Variants in SIRPD observed in about 807,000 individuals in gnomAD.
SIRPD encodes signal-regulatory protein delta.
Under a neutral mutation model 18.0 loss-of-function variants are expected in SIRPD, and 21 were observed. The ratio of observed to expected loss-of-function variants is 1.17; its 90% CI spans 0.83 to 1.68. The LOEUF (loss-of-function observed/expected upper bound fraction) is 1.68. SIRPD is among the 40% of genes most tolerant of loss of function. SIRPD has a pLI of 0.00. For synonymous variants in SIRPD, 106 were observed against 92.9 expected (o/e 1.14, Z -0.81); for missense variants, 295 against 238.4 (o/e 1.24, Z -1.56).
intron 1 of SIRPD, among the ~76,000 whole-genome samples, chr20:1,554,857 A>G (rs2091033366): frequency 6.6e-6 from 1 of 152,166 alleles, no homozygotes; most frequent in Non-Finnish European, 1.5e-5. Flanking sequence ...GGAGTGTAGG[A>G]TTATCTTAGA....
chr20:1,547,780 G>A (rs1039821111), intron 2 of SIRPD, among the ~76,000 whole-genome samples: 5 of 152,130 alleles, frequency 3.3e-5, no homozygotes, highest in African/African-American at 1.2e-4. Flanking sequence ...CCATGAAAAT[G>A]GGAAAATTTT....
At chr20:1,555,043 A>T (rs2091034205) in intron 1 of SIRPD, among the ~76,000 whole-genome samples, 1 of 152,212 alleles carries the variant, frequency 6.6e-6, no homozygotes, top group African/African-American at 2.4e-5. Flanking sequence ...TATTCACAAT[A>T]GCCAAAATAT....
At chr20:1,545,691 G>A (rs529435356) in intron 2 of SIRPD, among the ~76,000 whole-genome samples, 4 of 152,318 alleles carry the variant, frequency 2.6e-5, no homozygotes, top group African/African-American at 9.6e-5. Flanking sequence ...TGGAGGAGAA[G>A]AGACATTCTG....
Position 1,534,374 on chromosome 20 carries a change from A to C in SIRPD, c.*51T>G. Reference sequence around the variant, plus strand: ...AAAGTAGCTGTCTCCAGGGAGTCAGAAGAGTATGGGGGCTTTTGTTATTTA... The same window carrying C: ...AAAGTAGCTGTCTCCAGGGAGTCAGCAGAGTATGGGGGCTTTTGTTATTTA... On this transcript the variant is annotated 3_prime_UTR_variant, in exon 4 of 4. Coordinates refer to ENST00000381623, the MANE Select transcript of SIRPD (RefSeq NM_178460.3). 1 of 1,609,732 alleles carries C rather than the reference A, an allele frequency of 6.2e-7. No individual in the cohort carries two copies. Among genetic ancestry groups the C allele is most frequent in the Non-Finnish European group, 8.5e-7 (1 of 1,178,940 alleles).
intron 2 of SIRPD, among the ~76,000 whole-genome samples, chr20:1,541,649 C>A (rs1211430334): frequency 6.6e-6 from 1 of 152,106 alleles, no homozygotes; most frequent in Non-Finnish European, 1.5e-5. Flanking sequence ...TTACTTAGAT[C>A]CCATTTGTCA....
At chr20:1,544,115 G>A (rs1355788324) in intron 2 of SIRPD, among the ~76,000 whole-genome samples, 5 of 152,296 alleles carry the variant, frequency 3.3e-5, no homozygotes, top group Non-Finnish European at 7.4e-5. Flanking sequence ...TTCTGTAGAT[G>A]TCTATTAGGT....
At chr20:1,535,268 G>A (rs1568664682) in intron 3 of SIRPD, among the ~76,000 whole-genome samples, 2 of 152,166 alleles carry the variant, frequency 1.3e-5, no homozygotes, top group Non-Finnish European at 2.9e-5. Flanking sequence ...GCACAGTGAA[G>A]AGGTCAAAGT....
Position 1,551,746 on chromosome 20 carries a change from T to A in SIRPD, c.366A>T (p.Lys122Asn). 1 of 1,614,106 alleles carries A rather than the reference T, an allele frequency of 6.2e-7. No individual in the cohort carries two copies. Among genetic ancestry groups the A allele is most frequent in the Non-Finnish European group, 8.5e-7 (1 of 1,179,962 alleles). Reference sequence around the variant, plus strand: ...ATTGGTACTCCTTGATAGCTCTTCCTTTTATGAACTTCACGCAGTAATAGG... The same window carrying A: ...ATTGGTACTCCTTGATAGCTCTTCCATTTATGAACTTCACGCAGTAATAGG... ...AGTYYCVKFIKGRAIKEYQSG... is the reference protein window; with the variant it reads ...AGTYYCVKFINGRAIKEYQSG... The change falls in exon 2 of 4, where the codon AAA becomes AAT. Residue 122 changes from lysine to asparagine, a missense_variant. Lys to Asn is a moderately conservative substitution (Grantham distance 94, BLOSUM62 0). Coordinates refer to ENST00000381623, the MANE Select transcript of SIRPD (RefSeq NM_178460.3).
intron 1 of SIRPD, among the ~76,000 whole-genome samples, chr20:1,555,715 G>T (rs2091037553): frequency 6.6e-6 from 1 of 152,132 alleles, no homozygotes; most frequent in Non-Finnish European, 1.5e-5. Context: ...ATTTTGAATG[G>T]TTTTGCCATC....
rs570140595 is a variant in SIRPD at position 1,545,373 on chromosome 20, A to G, written c.421+6318T>C. Among the ~76,000 whole-genome samples the G allele has an allele frequency of 4.4e-4, 67 of 152,132 alleles. 1 individual carries two copies. Among genetic ancestry groups the G allele is most frequent in the African/African-American group, 1.5e-3 (64 of 41,498 alleles). On this transcript the variant is annotated intron_variant, in intron 2 of 3. Transcript: ENST00000381623. ...CTTTATTTCATTAAGTTGATCTTCA[A>G]TCTCTGAAATCCTTTCTTCTGGTTG...
At chr20:1,552,406 C>T (rs1158093432) in intron 1 of SIRPD, among the ~76,000 whole-genome samples, 2 of 152,142 alleles carry the variant, frequency 1.3e-5, no homozygotes, top group Admixed American at 6.5e-5. Context: ...CAAGTCCTGT[C>T]CTTCAACCCT....
chr20:1,552,091 G>A (rs752513792), intron 1 of SIRPD, 53 bp from the exon 2 acceptor site: 3 of 1,475,472 alleles, frequency 2.0e-6, no homozygotes, highest in South Asian at 1.2e-5. Flanking sequence ...GCTTAAGCAT[G>A]GGTACGGGTC....
chr20:1,551,646 T>G, intron 2 of SIRPD, 45 bp downstream of exon 2: 40 of 1,421,686 alleles, frequency 2.8e-5, no homozygotes, highest in Non-Finnish European at 3.4e-5. Context: ...ACTGCTGAGA[T>G]GATATTATAC....
intron 1 of SIRPD, among the ~76,000 whole-genome samples, chr20:1,554,936 C>T (rs769713483): frequency 6.6e-6 from 1 of 152,174 alleles, no homozygotes; most frequent in African/African-American, 2.4e-5. Flanking sequence ...TACTTAATTG[C>T]TCTTGTGTAT....
At position 1,545,836 on chromosome 20, in the gene SIRPD, G is replaced by A. The variant is rs150167926; in HGVS notation, c.421+5855C>T. On this transcript the variant is annotated intron_variant, in intron 2 of 3. Coordinates refer to ENST00000381623, the MANE Select transcript of SIRPD (RefSeq NM_178460.3). Reference sequence around the variant, plus strand: ...CCTTTTTGTTGATGTTGATCCTGTTGCTTTCTGTTTGTTAGTTTTCCTTTT... The same window carrying A: ...CCTTTTTGTTGATGTTGATCCTGTTACTTTCTGTTTGTTAGTTTTCCTTTT... Among the ~76,000 whole-genome samples, 346 of 152,190 alleles carry A rather than the reference G, an allele frequency of 2.3e-3. 1 individual carries two copies. Among genetic ancestry groups the A allele is most frequent in the Non-Finnish European group, 3.8e-3 (256 of 67,988 alleles).
intron 2 of SIRPD, 101 bp downstream of exon 2, chr20:1,551,590 C>T (rs2091019185): frequency 7.8e-6 from 7 of 894,100 alleles, no homozygotes; most frequent in Non-Finnish European, 1.0e-5. Flanking sequence ...GTTGTACCTT[C>T]AATAATATTT....
At chr20:1,549,370 C>CTT (rs11475966) in intron 2 of SIRPD, among the ~76,000 whole-genome samples, 1 of 147,268 alleles carries the variant, frequency 6.8e-6, no homozygotes, top group African/African-American at 2.5e-5. Flanking sequence ...TTTCTGATAC[C>CTT]TTTTTTTTTT....
intron 1 of SIRPD, among the ~76,000 whole-genome samples, chr20:1,556,863 G>C (rs1203897030): frequency 6.6e-6 from 1 of 152,220 alleles, no homozygotes; most frequent in Non-Finnish European, 1.5e-5. Context: ...ATTAATTTCT[G>C]TAATTTAAAC....
intron 2 of SIRPD, among the ~76,000 whole-genome samples, chr20:1,547,898 G>T (rs1459912354): frequency 6.6e-6 from 1 of 152,116 alleles, no homozygotes; most frequent in African/African-American, 2.4e-5. Context: ...CATTCCAAGT[G>T]TGTGGAAATG....
Sources: allele counts gnomAD v4.1 joint callset (sites outside exome capture counted in the v4.1 genomes callset), GRCh38; gene constraint gnomAD v4.1.1; transcripts MANE v1.5; gene names NCBI Gene and HGNC (gene_info 2026-07-23, HGNC 2026-07-21).